The following AGBL1 variants were observed in gnomAD, a reference collection of about 807,000 sequenced individuals.
AGBL1 encodes the protein cytosolic carboxypeptidase 4.
A neutral mutation model predicts 118.9 loss-of-function variants in AGBL1; 130 were observed. That is an observed-to-expected ratio of 1.09 (90% CI 0.95 to 1.26). AGBL1 has a LOEUF of 1.26. Among genes scored for constraint, AGBL1 ranks in the 50% most tolerant of loss-of-function variants. AGBL1 has a pLI of 0.00. For missense variants in AGBL1, 1,584 were observed against 1,298.1 expected, an observed-to-expected ratio of 1.22 and a Z score of -3.38; for synonymous variants, 555 against 478.9, an observed-to-expected ratio of 1.16 and a Z score of -2.08.
At chr15:86,150,158 G>A (rs929504010) in intron 3 of AGBL1, among the ~76,000 whole-genome samples, 2 of 152,190 alleles carry the variant, frequency 1.3e-5, no homozygotes, top group Non-Finnish European at 2.9e-5. Context: ...AGCACTAAAT[G>A]CTCACAAGAG....
chr15:86,898,871 A>G (rs1219034724), intron 22 of AGBL1, among the ~76,000 whole-genome samples: 2 of 152,228 alleles, frequency 1.3e-5, no homozygotes, highest in Non-Finnish European at 2.9e-5. Flanking sequence ...AATGGGTATC[A>G]TTGGAAAGTC....
chr15:86,552,734 G>A (rs559881729), intron 20 of AGBL1, among the ~76,000 whole-genome samples: 2 of 152,198 alleles, frequency 1.3e-5, no homozygotes, highest in East Asian at 3.9e-4. Context: ...CACTTTGAAG[G>A]AACAAATAGA....
chr15:86,226,518 G>C (rs1216591261), intron 6 of AGBL1, among the ~76,000 whole-genome samples: 1 of 152,168 alleles, frequency 6.6e-6, no homozygotes, highest in African/African-American at 2.4e-5. Flanking sequence ...TTACGGTTGA[G>C]CATCCTGATA....
intron 24 of AGBL1, among the ~76,000 whole-genome samples, chr15:87,008,115 T>A (rs530596545): frequency 1.3e-5 from 2 of 152,144 alleles, no homozygotes; most frequent in Non-Finnish European, 2.9e-5. Flanking sequence ...TCTAAGCACG[T>A]CTGTGGGAGT....
At chr15:86,745,271 C>T (rs963833142) in intron 22 of AGBL1, among the ~76,000 whole-genome samples, 2 of 151,888 alleles carry the variant, frequency 1.3e-5, no homozygotes, top group African/African-American at 4.8e-5. Context: ...ATATATTAAC[C>T]TTGAAGAAGG....
At chr15:86,857,067 C>A (rs16978037) in intron 22 of AGBL1, among the ~76,000 whole-genome samples, 4,815 of 152,216 alleles carry the variant, frequency 0.032, 250 homozygotes, top group African/African-American at 0.11. Flanking sequence ...AGACTGAAAA[C>A]CCCTGTCACC....
At chr15:86,398,690 A>G (rs1332468416) in intron 18 of AGBL1, among the ~76,000 whole-genome samples, 1 of 152,186 alleles carries the variant, frequency 6.6e-6, no homozygotes, top group Non-Finnish European at 1.5e-5. Flanking sequence ...AAATAATTCA[A>G]TTTTTAAGAA....
At chr15:86,586,869 G>A (rs1222731699) in intron 21 of AGBL1, among the ~76,000 whole-genome samples, 1 of 152,078 alleles carries the variant, frequency 6.6e-6, no homozygotes, top group Non-Finnish European at 1.5e-5. Context: ...GGGGGGGTCT[G>A]TTATTTGTCA....
At chr15:86,231,985 A>G (rs1485778068) in intron 6 of AGBL1, among the ~76,000 whole-genome samples, 2 of 152,180 alleles carry the variant, frequency 1.3e-5, no homozygotes, top group Non-Finnish European at 2.9e-5. Flanking sequence ...GCACACCACC[A>G]TGGCTGTGTA....
At chr15:86,172,378 A>C (rs2077427899) in intron 5 of AGBL1, among the ~76,000 whole-genome samples, 1 of 152,166 alleles carries the variant, frequency 6.6e-6, no homozygotes, top group African/African-American at 2.4e-5. Context: ...GAATATTTCA[A>C]ATCTTCTAGT....
At chr15:86,221,941 C>T (rs1567136504) in intron 5 of AGBL1, among the ~76,000 whole-genome samples, 2 of 152,140 alleles carry the variant, frequency 1.3e-5, no homozygotes, top group Admixed American at 6.6e-5. Context: ...AAATTGACTT[C>T]ACAATGCACT....
At chr15:86,528,157 C>G (rs28720927) in intron 19 of AGBL1, among the ~76,000 whole-genome samples, 1 of 152,104 alleles carries the variant, frequency 6.6e-6, no homozygotes, top group African/African-American at 2.4e-5. Context: ...GCGTGAGCGA[C>G]GCAGAAGACG....
chr15:86,886,174 A>G (rs1354273899), intron 22 of AGBL1, among the ~76,000 whole-genome samples: 1 of 152,248 alleles, frequency 6.6e-6, no homozygotes, highest in African/African-American at 2.4e-5. Context: ...TAAGAAGCAA[A>G]ATAAAACACA....
At chr15:86,799,241 A>G (rs1483727840) in intron 22 of AGBL1, among the ~76,000 whole-genome samples, 2 of 151,952 alleles carry the variant, frequency 1.3e-5, no homozygotes, top group Non-Finnish European at 2.9e-5. Context: ...GGTTAGTTAC[A>G]TATGTATACA....
chr15:86,920,380 A>C (rs2080471633), downstream of AGBL1, among the ~76,000 whole-genome samples: 1 of 152,162 alleles, frequency 6.6e-6, no homozygotes, highest in African/African-American at 2.4e-5. Flanking sequence ...CTAGCCAGAA[A>C]AACTCTCTTC....
intron 17 of AGBL1, among the ~76,000 whole-genome samples, chr15:86,385,273 C>T (rs973980309): frequency 2.8e-4 from 42 of 152,234 alleles, no homozygotes; most frequent in African/African-American, 9.9e-4. Flanking sequence ...CCTTACATTG[C>T]TTTTTAAAAA....
chr15:87,006,497 C>G (rs778703555), intron 24 of AGBL1, among the ~76,000 whole-genome samples: 1 of 152,166 alleles, frequency 6.6e-6, no homozygotes, highest in African/African-American at 2.4e-5. Context: ...GAGCCAGGCA[C>G]GGGGTATAAT....
intron 21 of AGBL1, among the ~76,000 whole-genome samples, chr15:86,566,092 C>T (rs923421864): frequency 7.8e-6 from 1 of 128,062 alleles, no homozygotes; most frequent in Non-Finnish European, 1.6e-5. Context: ...TGAGGTGATG[C>T]CTCGCCCTGC....
chr15:86,401,473 T>A (rs1368942974), intron 18 of AGBL1, among the ~76,000 whole-genome samples: 1 of 151,978 alleles, frequency 6.6e-6, no homozygotes, highest in African/African-American at 2.4e-5. Flanking sequence ...TCTCTTTTTT[T>A]GTTGTTGTTG....
Sources: allele counts gnomAD v4.1 joint callset (sites outside exome capture counted in the v4.1 genomes callset), GRCh38; gene constraint gnomAD v4.1.1; transcripts MANE v1.5; gene names NCBI Gene and HGNC (gene_info 2026-07-23, HGNC 2026-07-21).